Variants in TUSC3 observed in about 807,000 individuals in gnomAD.
TUSC3 encodes dolichyl-diphosphooligosaccharide--protein glycosyltransferase subunit TUSC3.
TUSC3 carries 45 observed loss-of-function variants against 44.8 expected under a neutral mutation model. That is an observed-to-expected ratio of 1.00 (90% CI 0.79 to 1.29). The LOEUF (loss-of-function observed/expected upper bound fraction) is 1.29. Among genes scored for constraint, TUSC3 ranks in the 50% most tolerant of loss-of-function variants. TUSC3 has a pLI of 0.00. For synonymous variants in TUSC3, 212 were observed against 152.9 expected (o/e 1.39, Z -2.85); for missense variants, 519 against 437.9 (o/e 1.19, Z -1.65).
intron 6 of TUSC3, among the ~76,000 whole-genome samples, chr8:15,700,624 G>T (rs368063085): frequency 1.3e-5 from 2 of 152,174 alleles, no homozygotes; most frequent in South Asian, 4.1e-4. Flanking sequence ...AATGAGGCTA[G>T]AAAGATAATT....
At chr8:15,811,467 C>A in the TUSC3 span, among the ~76,000 whole-genome samples, 1 of 152,182 alleles carries the variant, frequency 6.6e-6, no homozygotes, top group African/African-American at 2.4e-5. Context: ...TTTCTGCCGA[C>A]ATTTCACTGA....
Position 15,561,357 on chromosome 8 carries a change from C to T in TUSC3, c.138+20789C>T, listed in dbSNP as rs995138396. Among the ~76,000 whole-genome samples the T allele has an allele frequency of 7.6e-5, 11 of 144,646 alleles. 1 individual carries two copies. In the Admixed American group the frequency reaches 7.6e-4, roughly 10 times the overall value. The allele number at this position is 144,646 out of a possible 152,430, so 94.9% of individuals were successfully genotyped here. On this transcript the variant is annotated intron_variant, in intron 1 of 10. Coordinates refer to ENST00000503731, the MANE Select transcript of TUSC3 (RefSeq NM_006765.4). ...GGACCCACTTGAGGAGGCAGTCTGC[C>T]AGTTCTCAGATCTCCAGCTGCGTGC...
At chr8:15,827,525 T>A in the TUSC3 span, among the ~76,000 whole-genome samples, 8 of 152,174 alleles carry the variant, frequency 5.3e-5, no homozygotes, top group Admixed American at 5.2e-4. Flanking sequence ...GTTAGCTTAA[T>A]GGAAGTAAAA....
chr8:15,763,519 CAAAAA>C (rs1442531387), intron 10 of TUSC3, among the ~76,000 whole-genome samples: 3 of 151,372 alleles, frequency 2.0e-5, no homozygotes, highest in African/African-American at 7.3e-5. Flanking sequence ...TGTCAAGACT[CAAAAA>C]GAACATGCCA....
intron 1 of TUSC3, among the ~76,000 whole-genome samples, chr8:15,478,358 T>A (rs1392634897): frequency 2.6e-5 from 4 of 152,190 alleles, no homozygotes; most frequent in Non-Finnish European, 2.9e-5. Context: ...GGTAGTTTGC[T>A]GCCCCATCAG....
intron 2 of TUSC3, among the ~76,000 whole-genome samples, chr8:15,507,142 C>G (rs1801062645): frequency 6.6e-6 from 1 of 152,194 alleles, no homozygotes; most frequent in East Asian, 1.9e-4. Flanking sequence ...TTCAGAGGGC[C>G]AAGGGGAGCT....
At chr8:15,432,734 G>T (rs1363489072) in intron 1 of TUSC3, among the ~76,000 whole-genome samples, 1 of 152,008 alleles carries the variant, frequency 6.6e-6, no homozygotes, top group Non-Finnish European at 1.5e-5. Flanking sequence ...GTGCATCTCG[G>T]ATCCCCTCAC....
At chr8:15,658,902 G>T (rs190629030) in intron 3 of TUSC3, among the ~76,000 whole-genome samples, 12 of 152,172 alleles carry the variant, frequency 7.9e-5, no homozygotes, top group Non-Finnish European at 1.5e-4. Flanking sequence ...AGTTAATAGA[G>T]CAGTTGAGCA....
chr8:15,526,614 C>T (rs1390336884), intron 2 of TUSC3, among the ~76,000 whole-genome samples: 2 of 152,132 alleles, frequency 1.3e-5, no homozygotes, highest in Non-Finnish European at 2.9e-5. Flanking sequence ...CTCTCGTCTG[C>T]CGCCATGTAA....
chr8:15,621,528 A>G (rs1400301437), intron 1 of TUSC3, among the ~76,000 whole-genome samples: 1 of 147,822 alleles, frequency 6.8e-6, no homozygotes, highest in African/African-American at 2.5e-5. Flanking sequence ...AAATATATAT[A>G]TATATATAAA....
chr8:15,821,197 G>C, the TUSC3 span, among the ~76,000 whole-genome samples: 2 of 152,064 alleles, frequency 1.3e-5, no homozygotes, highest in East Asian at 3.9e-4. Context: ...TCTTACTGTA[G>C]TTTAAAGGTG....
chr8:15,431,399 G>C (rs1049884338), intron 1 of TUSC3, among the ~76,000 whole-genome samples: 1 of 151,514 alleles, frequency 6.6e-6, no homozygotes, highest in Non-Finnish European at 1.5e-5. Context: ...TCTCACTTCC[G>C]TGTTTAAATT....
intron 2 of TUSC3, among the ~76,000 whole-genome samples, chr8:15,499,110 G>A (rs1800922339): frequency 6.6e-6 from 1 of 151,694 alleles, no homozygotes; most frequent in Admixed American, 6.6e-5. Flanking sequence ...TACTTTTCAT[G>A]GTTACTATCA....
chr8:15,774,390 G>T, the TUSC3 span, among the ~76,000 whole-genome samples: 4 of 152,088 alleles, frequency 2.6e-5, no homozygotes, highest in African/African-American at 9.7e-5. Context: ...CTTGTAAGAA[G>T]GAAGCCATGT....
chr8:15,763,552 A>G (rs1267152935), intron 10 of TUSC3, among the ~76,000 whole-genome samples: 1 of 152,100 alleles, frequency 6.6e-6, no homozygotes, highest in Non-Finnish European at 1.5e-5. Context: ...GCAGAAAGGT[A>G]CAGATGTAAA....
chr8:15,651,374 A>T (rs576735582), intron 3 of TUSC3, among the ~76,000 whole-genome samples: 3 of 152,306 alleles, frequency 2.0e-5, no homozygotes, highest in African/African-American at 7.2e-5. Flanking sequence ...TTAAATATTT[A>T]TTGACAAGTA....
At chr8:15,705,901 A>T (rs1809596095) in intron 6 of TUSC3, among the ~76,000 whole-genome samples, 1 of 151,968 alleles carries the variant, frequency 6.6e-6, no homozygotes, top group Non-Finnish European at 1.5e-5. Context: ...TGTACCTTGA[A>T]TCTCTGTGCT....
chr8:15,580,957 A>G (rs1305717162), intron 1 of TUSC3, among the ~76,000 whole-genome samples: 2 of 106,300 alleles, frequency 1.9e-5, no homozygotes, highest in Non-Finnish European at 3.6e-5. Flanking sequence ...AGGTACACCA[A>G]TCAGACGTAG....
chr8:15,715,953 G>A (rs1360778156), intron 6 of TUSC3, among the ~76,000 whole-genome samples: 1 of 151,968 alleles, frequency 6.6e-6, no homozygotes, highest in Non-Finnish European at 1.5e-5. Flanking sequence ...TTTTGACTGT[G>A]CTTACATATT....
Sources: allele counts gnomAD v4.1 joint callset (sites outside exome capture counted in the v4.1 genomes callset), GRCh38; gene constraint gnomAD v4.1.1; transcripts MANE v1.5; gene names NCBI Gene and HGNC (gene_info 2026-07-23, HGNC 2026-07-21).